DAGLA: variants seen among roughly 807,000 people sequenced by gnomAD.
DAGLA encodes the protein diacylglycerol lipase alpha.
In DAGLA, 22 loss-of-function variants were observed where a neutral mutation model predicts 102.6. That is an observed-to-expected ratio of 0.21 (90% CI 0.15 to 0.31). The LOEUF is 0.31. Ranked by LOEUF, DAGLA falls within the 10% of genes least tolerant of loss-of-function variation. The pLI, the probability that DAGLA is intolerant of heterozygous loss-of-function variation, is 1.00. For missense variants in DAGLA, 927 were observed against 1,446.6 expected (o/e 0.64, Z 5.83); for synonymous variants, 578 against 628.9 (o/e 0.92, Z 1.21).
chr11:61,684,991 G>A lies in DAGLA; in HGVS notation c.-45+4487G>A, dbSNP rs1031302795. 6.6e-5 allele frequency among the ~76,000 whole-genome samples: 10 copies of A among 152,064 alleles called. No individual in the cohort carries two copies. Among genetic ancestry groups the A allele is most frequent in the African/African-American group, 2.4e-4 (10 of 41,386 alleles). On this transcript the variant is annotated intron_variant, in intron 1 of 19. Transcript: ENST00000257215. The surrounding 1 kb of genome is among the most constrained non-coding windows in gnomAD (Gnocchi z 4.5). ...CTTAGAAGGAAGCTGGGCTGCAGGC[G>A]GGGCTCTCACACACCCTTCTGTGTG...
intron 1 of DAGLA, among the ~76,000 whole-genome samples, chr11:61,714,278 C>T (rs1375686115): frequency 1.3e-5 from 2 of 152,204 alleles, no homozygotes; most frequent in African/African-American, 4.8e-5. Context: ...ACCTGGTCCC[C>T]ATCACCAGCC....
intron 9 of DAGLA, 117 bp downstream of exon 9, chr11:61,731,558 T>C: frequency 7.4e-7 from 1 of 1,345,896 alleles, no homozygotes; most frequent in Non-Finnish European, 1.0e-6. Context: ...TTCTACACCT[T>C]CTCTGGGCCT....
chr11:61,688,614 T>A (rs1029282832), intron 1 of DAGLA, among the ~76,000 whole-genome samples: 1 of 152,194 alleles, frequency 6.6e-6, no homozygotes, highest in African/African-American at 2.4e-5. Context: ...CCTCCCACTC[T>A]GGGCGCCTGG....
chr11:61,723,343 A>G, intron 4 of DAGLA, 91 bp from the exon 5 acceptor site: 1 of 1,526,510 alleles, frequency 6.6e-7, no homozygotes, highest in Non-Finnish European at 8.9e-7. Context: ...ATTTGGGGTT[A>G]GGGAGGCTCC....
At chr11:61,696,995 G>A (rs992016418) in intron 1 of DAGLA, among the ~76,000 whole-genome samples, 2 of 152,134 alleles carry the variant, frequency 1.3e-5, no homozygotes, top group Admixed American at 1.3e-4. Flanking sequence ...TCCCTGGGAT[G>A]GCATAGCAGG....
At chr11:61,682,908 A>G (rs574683802) in intron 1 of DAGLA, among the ~76,000 whole-genome samples, 1 of 152,174 alleles carries the variant, frequency 6.6e-6, no homozygotes, top group Admixed American at 6.5e-5. Context: ...AAAGGGGGCT[A>G]CAGGCACCTC....
intron 1 of DAGLA, among the ~76,000 whole-genome samples, chr11:61,719,706 C>T (rs184501516): frequency 6.6e-6 from 1 of 152,330 alleles, no homozygotes; most frequent in Non-Finnish European, 1.5e-5. Flanking sequence ...CTGGGAAGCC[C>T]CTCCCTTGAC....
chr11:61,737,760 G>C lies in DAGLA; in HGVS notation c.1583+5G>C. On this transcript the variant is annotated splice_donor_5th_base_variant and intron_variant, in intron 15 of 19. Coordinates refer to ENST00000257215, the MANE Select transcript of DAGLA (RefSeq NM_006133.3). Reference sequence around the variant, plus strand: ...GGGCAAAGACCTCGTCCCCAGGTGAGTCCTTGGCCCCGCTCCATGGTCCCT... The same window carrying C: ...GGGCAAAGACCTCGTCCCCAGGTGACTCCTTGGCCCCGCTCCATGGTCCCT... 6.2e-7 allele frequency: 1 copy of C among 1,613,796 alleles called. No homozygotes were observed. The highest frequency in any genetic ancestry group is 8.5e-7 in the Non-Finnish European group (1 of 1,179,724).
In DAGLA at chr11:61,728,267, C is replaced by G; in HGVS notation, c.751C>G (p.Arg251Gly). ...GCTCCGGCAGCGGCAGCGGGCCAAG[C>G]GCAACGCCGTGCTGGACGAGGTGAG... ...VLLRQRQRAK[R>G]NAVLDEANND... The change falls in exon 7 of 20, where the codon CGC becomes GGC. Residue 251 changes from arginine (R) to glycine (G), a missense_variant. Coordinates refer to ENST00000257215, the MANE Select transcript of DAGLA (RefSeq NM_006133.3). 6.2e-7 allele frequency: 1 copy of G among 1,612,774 alleles called. No homozygotes were observed. Among genetic ancestry groups the G allele is most frequent in the East Asian group, 2.2e-5 (1 of 44,886 alleles).
At chr11:61,720,006 TG>T (rs1341208599) in intron 1 of DAGLA, 105 bp from the exon 2 acceptor site, 1 of 723,320 alleles carries the variant, frequency 1.4e-6, no homozygotes, top group African/African-American at 1.8e-5. Context: ...CAAAAATGCC[TG>T]TGCTTCTGGC....
intron 8 of DAGLA, among the ~76,000 whole-genome samples, chr11:61,730,871 G>T (rs1453881599): frequency 1.3e-5 from 2 of 152,202 alleles, no homozygotes; most frequent in Admixed American, 6.5e-5. Context: ...CTGCCCTGTT[G>T]CCCAAGGCCC....
chr11:61,698,414 C>T (rs942539241), intron 1 of DAGLA, among the ~76,000 whole-genome samples: 4 of 152,246 alleles, frequency 2.6e-5, no homozygotes, highest in Admixed American at 6.5e-5. Context: ...TCTGCAGTTC[C>T]GGTGCACTTC....
Position 61,684,643 on chromosome 11 carries a change from A to G in DAGLA, c.-45+4139A>G, listed in dbSNP as rs1182477037. On this transcript the variant is annotated intron_variant, in intron 1 of 19. Coordinates refer to ENST00000257215, the MANE Select transcript of DAGLA (RefSeq NM_006133.3). This position sits in a 1 kb window ranked among gnomAD's most constrained non-coding sequence, Gnocchi z 4.5. Reference sequence around the variant, plus strand: ...TTTGGCAGGAACGCCTAAGTCCTCTAGATGGGGATGGGGCTGTTATTACCG... The same window carrying G: ...TTTGGCAGGAACGCCTAAGTCCTCTGGATGGGGATGGGGCTGTTATTACCG... Among the ~76,000 whole-genome samples, 1 of 152,132 alleles carries G rather than the reference A, an allele frequency of 6.6e-6. No homozygotes were observed. Among genetic ancestry groups the G allele is most frequent in the Non-Finnish European group, 1.5e-5 (1 of 68,030 alleles).
At chr11:61,736,430 A>G (rs965610873) in intron 13 of DAGLA, 80 bp downstream of exon 13, 20 of 1,168,932 alleles carry the variant, frequency 1.7e-5, no homozygotes, top group Non-Finnish European at 2.3e-5. Context: ...GAGAGGATGG[A>G]TGGGTGATGG....
chr11:61,699,342 G>A, intron 1 of DAGLA, among the ~76,000 whole-genome samples: 1 of 152,174 alleles, frequency 6.6e-6, no homozygotes. Context: ...CCCTGGGAGA[G>A]TGTGTGGGCC....
At chr11:61,709,069 G>A (rs957391936) in intron 1 of DAGLA, among the ~76,000 whole-genome samples, 9 of 152,214 alleles carry the variant, frequency 5.9e-5, no homozygotes, top group Non-Finnish European at 1.2e-4. Flanking sequence ...GGCGAGGGGA[G>A]GAAATGCTGT....
Position 61,743,774 on chromosome 11 carries a change from G to A in DAGLA, c.2414G>A (p.Gly805Asp). 1.9e-6 allele frequency: 3 copies of A among 1,612,496 alleles called. No homozygotes were observed. Among genetic ancestry groups the A allele is most frequent in the African/African-American group, 1.3e-5 (1 of 75,052 alleles). The change falls in exon 20 of 20, where the codon GGC (glycine) becomes GAC (aspartate). Residue 805 changes from glycine (G) to aspartate (D), a missense_variant. Around this residue, in one of 4 missense-constraint regions of DAGLA, gnomAD observed 434 missense variants for 503.3 expected, o/e 0.86. Transcript: ENST00000257215. ...TCCTCAGGCTTCCGCAGCATCCGGG[G>A]CTCCCCCAGCCTCCACGCTGTGCTG... ...RRSSGFRSIR[G>D]SPSLHAVLER...
At chr11:61,725,953 C>G (rs763017031) in intron 5 of DAGLA, 42 bp from the exon 6 acceptor site, 10 of 1,569,734 alleles carry the variant, frequency 6.4e-6, no homozygotes, top group Non-Finnish European at 8.8e-6. Flanking sequence ...TCTTCTGGTC[C>G]AGCCCTCTGA....
rs771399378 is a variant in DAGLA at position 61,740,423 on chromosome 11, C to T, written c.1854-40C>T. ...GCCCTGGCACCGAGGGCCAGGCCAC[C>T]ACCCCACCCTTAACTCCCCTCTGTC... On this transcript the variant is annotated intron_variant, in intron 17 of 19. Coordinates refer to ENST00000257215, the MANE Select transcript of DAGLA (RefSeq NM_006133.3). 8 of 1,601,110 alleles carry T rather than the reference C, an allele frequency of 5.0e-6. No homozygotes were observed. In the East Asian group the frequency reaches 1.6e-4, roughly 31 times the overall value.
Sources: gnomAD v4.1 joint callset for allele counts (sites outside exome capture counted in the v4.1 genomes callset) on GRCh38, gnomAD v4.1.1 for gene constraint, gnomAD v4.1.1 regional missense constraint, Gnocchi (gnomAD v3.1) non-coding constraint, MANE v1.5 for transcripts, NCBI Gene and HGNC (gene_info 2026-07-23, HGNC 2026-07-21) for gene names.